Variants in SLC39A11 observed in about 807,000 individuals in gnomAD.
The protein encoded by SLC39A11 is solute carrier family 39 member 11.
SLC39A11 carries 33 observed loss-of-function variants against 36.1 expected under a neutral mutation model. That is an observed-to-expected ratio of 0.91 (90% CI 0.69 to 1.22). The LOEUF (loss-of-function observed/expected upper bound fraction) is 1.22. SLC39A11 is among the 50% of genes most tolerant of loss of function. The pLI is 0.00. For missense variants in SLC39A11, 432 were observed against 430.3 expected (o/e 1.00, Z -0.03); for synonymous variants, 166 against 170.3 (o/e 0.97, Z 0.20).
intron 5 of SLC39A11, among the ~76,000 whole-genome samples, chr17:72,926,958 CA>C (rs1453428586): frequency 7.5e-5 from 11 of 146,484 alleles, no homozygotes; most frequent in African/African-American, 3.0e-4. Flanking sequence ...TAAAAGAGAC[CA>C]CTACCCTGAT....
chr17:72,974,588 T>G (rs1306187111), intron 4 of SLC39A11, among the ~76,000 whole-genome samples: 1 of 152,236 alleles, frequency 6.6e-6, no homozygotes, highest in Admixed American at 6.5e-5. Flanking sequence ...TCAAAACGTT[T>G]TTACAAGCTG....
intron 2 of SLC39A11, among the ~76,000 whole-genome samples, chr17:73,087,759 G>A (rs1332231436): frequency 6.6e-6 from 1 of 152,050 alleles, no homozygotes; most frequent in Non-Finnish European, 1.5e-5. Context: ...CTGGGAGTAG[G>A]ATACAAGGAA....
At chr17:72,694,664 A>T (rs766726894) in intron 7 of SLC39A11, among the ~76,000 whole-genome samples, 1 of 152,142 alleles carries the variant, frequency 6.6e-6, no homozygotes, top group Non-Finnish European at 1.5e-5. Flanking sequence ...TTGAATACGA[A>T]GGTGGAGGAA....
At chr17:72,892,606 T>G (rs892256157) in intron 5 of SLC39A11, among the ~76,000 whole-genome samples, 4 of 152,176 alleles carry the variant, frequency 2.6e-5, no homozygotes, top group Non-Finnish European at 5.9e-5. Flanking sequence ...TTGGGGTTAT[T>G]TTTTGCCTGT....
chr17:72,736,672 A>T lies in SLC39A11; in HGVS notation c.649T>A (p.Ser217Thr). ...TACCTGGCACTCTCAAAGGTAGCAG[A>T]TGCCGTCTTTTCTATAGCCCCAAAT... is the stretch of plus-strand genomic sequence containing the variant. ...VGFGAIEKTA[S>T]ATFESARNLA... The change falls in exon 7 of 10, where the codon TCT (serine) becomes ACT (threonine). Residue 217 changes from serine (S) to threonine (T), a missense_variant. Ser to Thr is a moderately conservative substitution (Grantham distance 58, BLOSUM62 1). Transcript: ENST00000255559. 6.8e-6 allele frequency: 11 copies of T among 1,614,120 alleles called. No homozygotes were observed. The highest frequency in any genetic ancestry group is 9.3e-6 in the Non-Finnish European group (11 of 1,179,990).
intron 6 of SLC39A11, among the ~76,000 whole-genome samples, chr17:72,834,183 C>T (rs985618146): frequency 3.3e-5 from 5 of 152,170 alleles, no homozygotes; most frequent in African/African-American, 1.2e-4. Context: ...TGTTGTCCAA[C>T]ACAGTAGCCA....
intron 4 of SLC39A11, among the ~76,000 whole-genome samples, chr17:72,999,728 G>A (rs963882953): frequency 6.6e-6 from 1 of 152,010 alleles, no homozygotes. Context: ...TAGCTATCCT[G>A]TATCTGTTTT....
intron 6 of SLC39A11, among the ~76,000 whole-genome samples, chr17:72,769,795 G>A (rs995706747): frequency 3.9e-5 from 6 of 152,052 alleles, no homozygotes; most frequent in Admixed American, 2.6e-4. Context: ...TGCCTGCCTC[G>A]GCCTCCCAAA....
At chr17:72,742,265 C>T (rs2074742242) in intron 6 of SLC39A11, among the ~76,000 whole-genome samples, 1 of 152,056 alleles carries the variant, frequency 6.6e-6, no homozygotes, top group Admixed American at 6.6e-5. Context: ...TCAGGGCAGG[C>T]TGCGATGGGT....
chr17:72,986,170 T>C (rs932615415), intron 4 of SLC39A11, among the ~76,000 whole-genome samples: 1 of 152,182 alleles, frequency 6.6e-6, no homozygotes, highest in Non-Finnish European at 1.5e-5. Flanking sequence ...CAAATTGTGA[T>C]ATATTGTTCC....
chr17:72,904,089 G>A (rs564547500), intron 5 of SLC39A11, among the ~76,000 whole-genome samples: 1 of 152,308 alleles, frequency 6.6e-6, no homozygotes, highest in East Asian at 1.9e-4. Flanking sequence ...TTACTGCTAG[G>A]GAGGGCAGAT....
At chr17:73,053,655 G>A (rs961476425) in intron 3 of SLC39A11, among the ~76,000 whole-genome samples, 5 of 152,148 alleles carry the variant, frequency 3.3e-5, no homozygotes, top group African/African-American at 1.2e-4. Context: ...AGTGATTAGC[G>A]AAACCAGGAT....
rs2073197092 is a variant in SLC39A11 at position 72,713,366 on chromosome 17, T to C, written c.671+23284A>G. On this transcript the variant is annotated intron_variant, in intron 7 of 9. Coordinates refer to ENST00000255559, the MANE Select transcript of SLC39A11 (RefSeq NM_139177.4). ...TCACCTTGATAGTGGGCCCGCATCT[T>C]ACAAAGCAGGAGCTCCTCCTGCACT... Among the ~76,000 whole-genome samples the C allele has an allele frequency of 1.3e-5, 2 of 152,134 alleles. 1 individual carries two copies. The highest frequency in any genetic ancestry group is 4.1e-4 in the South Asian group (2 of 4,828).
At chr17:72,727,057 C>T (rs2073959179) in intron 7 of SLC39A11, among the ~76,000 whole-genome samples, 1 of 152,190 alleles carries the variant, frequency 6.6e-6, no homozygotes, top group African/African-American at 2.4e-5. Context: ...TAGGTCAAGG[C>T]AGGTCCACAG....
chr17:72,882,237 T>C (rs1161227979), intron 5 of SLC39A11, among the ~76,000 whole-genome samples: 1 of 151,788 alleles, frequency 6.6e-6, no homozygotes, highest in Admixed American at 6.6e-5. Flanking sequence ...ACGTCTGTAG[T>C]CCCAGCCACT....
intron 3 of SLC39A11, among the ~76,000 whole-genome samples, chr17:73,070,441 T>G (rs1361842522): frequency 6.6e-6 from 1 of 152,174 alleles, no homozygotes; most frequent in Admixed American, 6.5e-5. Context: ...CTCTTCTGAC[T>G]GTGACCTGAA....
intron 4 of SLC39A11, among the ~76,000 whole-genome samples, chr17:72,974,163 C>T (rs1028071633): frequency 3.3e-5 from 5 of 152,100 alleles, no homozygotes; most frequent in South Asian, 2.1e-4. Context: ...TGCAGTGGCG[C>T]GATCTGGCTC....
At chr17:72,897,205 G>A (rs1246808589) in intron 5 of SLC39A11, among the ~76,000 whole-genome samples, 2 of 152,172 alleles carry the variant, frequency 1.3e-5, no homozygotes, top group African/African-American at 4.8e-5. Context: ...ATGAAGGCCT[G>A]AACTGAGAGG....
chr17:72,760,236 C>T (rs2075525036), intron 6 of SLC39A11, among the ~76,000 whole-genome samples: 1 of 152,214 alleles, frequency 6.6e-6, no homozygotes, highest in South Asian at 2.1e-4. Context: ...CCATGTTGGT[C>T]AGGCTAGTCT....
Sources: allele counts gnomAD v4.1 joint callset (sites outside exome capture counted in the v4.1 genomes callset), GRCh38; gene constraint gnomAD v4.1.1; transcripts MANE v1.5; gene names NCBI Gene and HGNC (gene_info 2026-07-23, HGNC 2026-07-21).